Variants in IMMP2L observed in about 807,000 individuals in gnomAD.
IMMP2L encodes inner mitochondrial membrane peptidase subunit 2.
Under a neutral mutation model 19.3 loss-of-function variants are expected in IMMP2L, and 18 were observed. That is an observed-to-expected ratio of 0.93 (90% CI 0.64 to 1.38). The LOEUF is 1.38. Ranked by LOEUF, IMMP2L falls within the 40% of genes most tolerant of loss-of-function variation. The pLI is 0.00. For missense variants in IMMP2L, 233 were observed against 218.2 expected (o/e 1.07, Z -0.43); for synonymous variants, 76 against 73.0 (o/e 1.04, Z -0.21).
chr7:110,683,361 A>T (rs1024975718), intron 5 of IMMP2L, among the ~76,000 whole-genome samples: 3 of 152,104 alleles, frequency 2.0e-5, no homozygotes, highest in Non-Finnish European at 4.4e-5. Context: ...TTTTTAGCTG[A>T]CTTTTAAATG....
At chr7:111,448,273 C>A (rs1206230188) in intron 3 of IMMP2L, among the ~76,000 whole-genome samples, 8 of 126,182 alleles carry the variant, frequency 6.3e-5, no homozygotes, top group South Asian at 5.5e-4. Context: ...CAGCACCACA[C>A]CACACCTATT....
chr7:111,453,726 G>A (rs1019743573), intron 3 of IMMP2L, among the ~76,000 whole-genome samples: 1 of 152,100 alleles, frequency 6.6e-6, no homozygotes, highest in Non-Finnish European at 1.5e-5. Context: ...CCTCACCAAT[G>A]TCTTGATCCA....
intron 5 of IMMP2L, among the ~76,000 whole-genome samples, chr7:110,674,657 A>C (rs947031477): frequency 6.6e-6 from 1 of 152,238 alleles, no homozygotes; most frequent in Non-Finnish European, 1.5e-5. Context: ...GAACTGAAAC[A>C]ATATCCAAAA....
chr7:110,816,022 T>C (rs901381179), intron 5 of IMMP2L, among the ~76,000 whole-genome samples: 3 of 152,190 alleles, frequency 2.0e-5, no homozygotes, highest in Admixed American at 6.6e-5. Flanking sequence ...TGAATGTGTT[T>C]GCTCTTGCTT....
At chr7:111,116,788 C>T (rs1173670840) in intron 3 of IMMP2L, among the ~76,000 whole-genome samples, 2 of 151,984 alleles carry the variant, frequency 1.3e-5, no homozygotes, top group Non-Finnish European at 2.9e-5. Flanking sequence ...ACAATAATAA[C>T]AAAAAAGGCA....
intron 3 of IMMP2L, among the ~76,000 whole-genome samples, chr7:111,086,421 C>A (rs1470513311): frequency 1.3e-5 from 2 of 150,290 alleles, no homozygotes; most frequent in African/African-American, 4.9e-5. Context: ...CCAGCCTGGG[C>A]AACAGAGCAA....
intron 3 of IMMP2L, among the ~76,000 whole-genome samples, chr7:111,276,794 G>A (rs1231796196): frequency 6.6e-6 from 1 of 151,988 alleles, no homozygotes; most frequent in African/African-American, 2.4e-5. Context: ...ACAGAATAGA[G>A]AACCCAGAAA....
intron 3 of IMMP2L, among the ~76,000 whole-genome samples, chr7:111,234,496 T>G (rs1329491567): frequency 2.0e-5 from 3 of 152,072 alleles, no homozygotes; most frequent in African/African-American, 7.2e-5. Context: ...AAATGCTGGG[T>G]TTTATGCCTT....
chr7:111,357,021 CA>C (rs1355656971), intron 3 of IMMP2L, among the ~76,000 whole-genome samples: 1 of 150,404 alleles, frequency 6.6e-6, no homozygotes, highest in African/African-American at 2.4e-5. Context: ...AACTCTGTCT[CA>C]AAAAAAAAGC....
At chr7:110,993,883 G>A (rs1452168473) in intron 3 of IMMP2L, among the ~76,000 whole-genome samples, 1 of 152,064 alleles carries the variant, frequency 6.6e-6, no homozygotes, top group African/African-American at 2.4e-5. Context: ...ACTGCAGAGT[G>A]AGGTTCACTT....
At chr7:111,467,210 A>G (rs781393976) in intron 3 of IMMP2L, among the ~76,000 whole-genome samples, 22 of 152,052 alleles carry the variant, frequency 1.4e-4, no homozygotes, top group Non-Finnish European at 2.6e-4. Flanking sequence ...CCCAATCTCT[A>G]TGTGCCTCAG....
chr7:111,486,662 T>A (rs1158417916), intron 3 of IMMP2L, among the ~76,000 whole-genome samples: 2 of 152,190 alleles, frequency 1.3e-5, no homozygotes, highest in African/African-American at 2.4e-5. Flanking sequence ...TTGTGTCAGT[T>A]ATACACACTT....
chr7:110,769,730 A>T (rs1798914311), intron 5 of IMMP2L, among the ~76,000 whole-genome samples: 1 of 152,142 alleles, frequency 6.6e-6, no homozygotes. Flanking sequence ...AAGAAATAAA[A>T]GTTAGTGAAA....
At chr7:110,749,901 A>T (rs551921045) in intron 5 of IMMP2L, among the ~76,000 whole-genome samples, 1 of 152,214 alleles carries the variant, frequency 6.6e-6, no homozygotes, top group South Asian at 2.1e-4. Context: ...TATAATAATA[A>T]TAATAAAAAC....
At chr7:111,466,479 T>G (rs1236637502) in intron 3 of IMMP2L, among the ~76,000 whole-genome samples, 4 of 152,142 alleles carry the variant, frequency 2.6e-5, no homozygotes, top group African/African-American at 9.7e-5. Context: ...CACACAAAAC[T>G]TATTTAAAAA....
At chr7:111,536,051 G>A (rs1372061526) in intron 1 of IMMP2L, among the ~76,000 whole-genome samples, 1 of 152,078 alleles carries the variant, frequency 6.6e-6, no homozygotes, top group East Asian at 1.9e-4. Flanking sequence ...ACGGGAGCTT[G>A]CCTGGTGATC....
At chr7:111,557,133 C>A (rs953733108) in intron 1 of IMMP2L, among the ~76,000 whole-genome samples, 10 of 152,120 alleles carry the variant, frequency 6.6e-5, no homozygotes, top group Non-Finnish European at 1.2e-4. Flanking sequence ...TCTATTCCCA[C>A]TACTTCCACC....
At chr7:111,083,141 C>T (rs1388453670) in intron 3 of IMMP2L, among the ~76,000 whole-genome samples, 7 of 152,020 alleles carry the variant, frequency 4.6e-5, no homozygotes, top group Admixed American at 4.6e-4. Flanking sequence ...GTGTATCGAT[C>T]CATTTTGTTA....
At chr7:110,920,050 C>T (rs899131884) in intron 4 of IMMP2L, among the ~76,000 whole-genome samples, 3 of 152,194 alleles carry the variant, frequency 2.0e-5, no homozygotes, top group Non-Finnish European at 2.9e-5. Flanking sequence ...CTTGGACTTA[C>T]ATCAGTGATT....
Sources: allele counts gnomAD v4.1 joint callset (sites outside exome capture counted in the v4.1 genomes callset), GRCh38; gene constraint gnomAD v4.1.1; transcripts MANE v1.5; gene names NCBI Gene and HGNC (gene_info 2026-07-23, HGNC 2026-07-21).